Variants in LRBA observed in about 807,000 individuals in gnomAD.
LRBA encodes LPS responsive beige-like anchor protein.
A neutral mutation model predicts 330.0 loss-of-function variants in LRBA; 176 were observed. The observed-to-expected ratio is 0.53, with a 90% CI of 0.47 to 0.60. The LOEUF (loss-of-function observed/expected upper bound fraction) is 0.60. Among genes scored for constraint, LRBA ranks in the 20% least tolerant of loss-of-function variants. The probability of loss-of-function intolerance (pLI) is 0.00; values close to 1 mark genes in which losing one functional copy is unlikely to be tolerated. For synonymous variants in LRBA, 1,230 were observed against 1,193.0 expected, an observed-to-expected ratio of 1.03 and a Z score of -0.64; for missense variants, 3,259 against 3,444.8, an observed-to-expected ratio of 0.95 and a Z score of 1.35.
chr4:150,962,401 T>G (rs1375729321), intron 2 of LRBA, among the ~76,000 whole-genome samples: 1 of 149,090 alleles, frequency 6.7e-6, no homozygotes, highest in Non-Finnish European at 1.5e-5. Flanking sequence ...ACCTATGATC[T>G]CAGCTACTCA....
intron 40 of LRBA, among the ~76,000 whole-genome samples, chr4:150,549,670 G>A (rs1007732941): frequency 1.3e-5 from 2 of 152,162 alleles, no homozygotes; most frequent in African/African-American, 4.8e-5. Flanking sequence ...TATTATATCA[G>A]TTGAGAATTA....
chr4:150,563,332 G>C (rs1768633557), intron 40 of LRBA, among the ~76,000 whole-genome samples: 1 of 152,034 alleles, frequency 6.6e-6, no homozygotes, highest in Non-Finnish European at 1.5e-5. Context: ...TGAAGAAAAG[G>C]CCTTCGATAA....
Position 150,780,709 on chromosome 4 carries a change from C to T in LRBA, c.5580+17372G>A, listed in dbSNP as rs540623048. On this transcript the variant is annotated intron_variant, in intron 34 of 56. Transcript: ENST00000651943. ...TGCATACCAAGTATAATACAAAGTC[C>T]TAATACATATTATGCATAAACATCA... Among the ~76,000 whole-genome samples the T allele has an allele frequency of 3.4e-4, 25 of 73,102 alleles. 1 individual carries two copies. The South Asian group carries it at 9.4e-3, about 28-fold the overall frequency. The allele number at this position is 73,102 out of a possible 152,430, so 48.0% of individuals were successfully genotyped here.
Position 150,652,035 on chromosome 4 carries a change from G to A in LRBA, c.5921+31516C>T, listed in dbSNP as rs541502899. Among the ~76,000 whole-genome samples the A allele has an allele frequency of 8.5e-5, 13 of 152,154 alleles. 1 individual carries two copies. Among genetic ancestry groups the A allele is most frequent in the African/African-American group, 2.4e-4 (10 of 41,510 alleles). On this transcript the variant is annotated intron_variant, in intron 37 of 56. Transcript: ENST00000651943. Reference sequence around the variant, plus strand: ...ATTTTTGTATTTTTTGTAGAGATGGGGTTTTGCCATGTTGCCCAAGCTGGT... The same window carrying A: ...ATTTTTGTATTTTTTGTAGAGATGGAGTTTTGCCATGTTGCCCAAGCTGGT...
intron 47 of LRBA, among the ~76,000 whole-genome samples, chr4:150,371,763 T>C (rs1740365168): frequency 6.6e-6 from 1 of 152,094 alleles, no homozygotes; most frequent in Admixed American, 6.6e-5. Context: ...AAAATGTGAC[T>C]CACATGAATT....
Position 150,563,620 on chromosome 4 carries a change from T to C in LRBA, c.6330+24428A>G, listed in dbSNP as rs188456918. Among the ~76,000 whole-genome samples the C allele has an allele frequency of 2.6e-3, 395 of 152,278 alleles. 2 individuals carry two copies. Among genetic ancestry groups the C allele is most frequent in the East Asian group, 0.011 (57 of 5,180 alleles). The stretch of plus-strand genomic sequence containing the variant: ...TCTCTGTTTGCAGACGACATGATTG[T>C]ATATGTAGAAAACCCCATCATATCA... On this transcript the variant is annotated intron_variant, in intron 40 of 56. Coordinates refer to ENST00000651943, the MANE Select transcript of LRBA (RefSeq NM_001364905.1).
rs553412472 is a variant in LRBA at position 150,796,141 on chromosome 4, C to CA, written c.5580+1939dup. 2.3e-3 allele frequency among the ~76,000 whole-genome samples: 347 copies of CA among 151,450 alleles called. 2 individuals carry two copies. Among genetic ancestry groups the CA allele is most frequent in the Non-Finnish European group, 1.2e-3 (83 of 67,624 alleles). On this transcript the variant is annotated intron_variant, in intron 34 of 56. Coordinates refer to ENST00000651943, the MANE Select transcript of LRBA (RefSeq NM_001364905.1). ...TTTTGCTTCCCACCCTATCTCAGACCAAAAAAAATTATCAATCAAACTCAA... is the reference window on the plus strand; with the variant it reads ...TTTTGCTTCCCACCCTATCTCAGACCAAAAAAAAATTATCAATCAAACTCAA...
At chr4:150,769,428 C>T (rs1447437411) in intron 34 of LRBA, among the ~76,000 whole-genome samples, 1 of 152,158 alleles carries the variant, frequency 6.6e-6, no homozygotes, top group African/African-American at 2.4e-5. Flanking sequence ...CCAATATCTA[C>T]AGGATGAGTC....
intron 47 of LRBA, among the ~76,000 whole-genome samples, chr4:150,389,783 G>A (rs1456689544): frequency 6.6e-6 from 1 of 151,352 alleles, no homozygotes; most frequent in Non-Finnish European, 1.5e-5. Flanking sequence ...AAATTTGTTA[G>A]TGGCAGGATC....
At chr4:150,946,125 T>G (rs1736219683) in intron 2 of LRBA, among the ~76,000 whole-genome samples, 1 of 152,194 alleles carries the variant, frequency 6.6e-6, no homozygotes, top group Non-Finnish European at 1.5e-5. Flanking sequence ...AAGAATAAAA[T>G]GCTACAATAT....
At chr4:150,925,952 A>T (rs1385894223) in intron 4 of LRBA, among the ~76,000 whole-genome samples, 1 of 152,184 alleles carries the variant, frequency 6.6e-6, no homozygotes, top group African/African-American at 2.4e-5. Flanking sequence ...AGGAAGAGGT[A>T]GCTCAAGACT....
chr4:150,535,221 ACTCTGGGGCTCAAGT>A (rs34077180), intron 40 of LRBA, among the ~76,000 whole-genome samples: 9,947 of 152,096 alleles, frequency 0.065, 530 homozygotes, highest in East Asian at 0.18. Flanking sequence ...GAAGCCTCGA[ACTCTGGGGCTCAAGT>A]GATACTCCCA....
chr4:150,906,399 G>C lies in LRBA; in HGVS notation c.1500C>G (p.Thr500=). The stretch of plus-strand genomic sequence containing the variant: ...ACAATTCCATGATAAAGGCCAGCAA[G>C]GTTGAACTAGAATTTTTTAAAAAGG... The part of the protein sequence containing the change: ...SDEIDLTICS[T]LLAFIMELLK... Residue 500 remains threonine (T), a synonymous_variant, in exon 12 of 57, where the codon ACC becomes ACG. Transcript: ENST00000651943. The C allele has an allele frequency of 6.3e-7, 1 of 1,578,202 alleles. No individual in the cohort carries two copies. The highest frequency in any genetic ancestry group is 1.1e-5 in the South Asian group (1 of 87,734).
At chr4:150,865,600 T>C (rs991370732) in intron 22 of LRBA, among the ~76,000 whole-genome samples, 2 of 152,196 alleles carry the variant, frequency 1.3e-5, no homozygotes, top group African/African-American at 2.4e-5. Flanking sequence ...TGTAGAAGCA[T>C]ACTTTCTCTC....
intron 26 of LRBA, among the ~76,000 whole-genome samples, chr4:150,846,326 C>A (rs1259412038): frequency 6.6e-6 from 1 of 151,840 alleles, no homozygotes; most frequent in African/African-American, 2.4e-5. Flanking sequence ...GTCAGGAGAT[C>A]GAGACCATGC....
In LRBA at chr4:150,905,981, A is replaced by AT; in HGVS notation, c.1611dup (p.Ser538IlefsTer4). Reference sequence around the variant, plus strand: ...TCAAGTACTGCTCTGCTAACATGAGATTTGGAAGACTGCAAAAAAAGTAGT... The same window carrying AT: ...TCAAGTACTGCTCTGCTAACATGAGATTTTGGAAGACTGCAAAAAAAGTAGT... On this transcript the variant is annotated frameshift_variant, in exon 13 of 57. Transcript: ENST00000651943. LOFTEE classifies it high-confidence loss of function. 6.2e-7 allele frequency: 1 copy of AT among 1,613,036 alleles called. No homozygotes were observed. Among genetic ancestry groups the AT allele is most frequent in the Non-Finnish European group, 8.5e-7 (1 of 1,179,478 alleles).
chr4:150,683,923 C>G (rs1783280808), intron 36 of LRBA: 2 of 496,408 alleles, frequency 4.0e-6, no homozygotes, highest in African/African-American at 3.9e-5. Context: ...TCATGAGATA[C>G]ACTCAGAAGT....
intron 9 of LRBA, among the ~76,000 whole-genome samples, chr4:150,913,205 C>T (rs1378225172): frequency 4.6e-5 from 7 of 152,288 alleles, no homozygotes; most frequent in South Asian, 2.1e-4. Context: ...CAGTGGCTCA[C>T]GCCTGTAATC....
At chr4:150,621,270 T>G (rs1776263991) in intron 37 of LRBA, among the ~76,000 whole-genome samples, 1 of 152,220 alleles carries the variant, frequency 6.6e-6, no homozygotes, top group Non-Finnish European at 1.5e-5. Flanking sequence ...ATGATCTCCC[T>G]TATCATTTAA....
Sources: allele counts gnomAD v4.1 joint callset (sites outside exome capture counted in the v4.1 genomes callset), GRCh38; gene constraint gnomAD v4.1.1; transcripts MANE v1.5; gene names NCBI Gene and HGNC (gene_info 2026-07-23, HGNC 2026-07-21).